The following CFAP57 variants were observed in gnomAD, a reference collection of about 807,000 sequenced individuals.
CFAP57 encodes cilia and flagella associated protein 57.
Under a neutral mutation model 146.8 loss-of-function variants are expected in CFAP57, and 116 were observed. The observed-to-expected ratio is 0.79, with a 90% CI of 0.68 to 0.92. The LOEUF (loss-of-function observed/expected upper bound fraction) is 0.92, where lower values mean the gene tolerates loss of function less well. Ranked by LOEUF, CFAP57 falls within the 40% of genes least tolerant of loss-of-function variation. The pLI is 0.00. For synonymous variants in CFAP57, 518 were observed against 552.8 expected, an observed-to-expected ratio of 0.94 and a Z score of 0.88; for missense variants, 1,377 against 1,527.2, an observed-to-expected ratio of 0.90 and a Z score of 1.64.
At chr1:43,184,924 C>A (rs957592459) in intron 4 of CFAP57, 2 of 527,918 alleles carry the variant, frequency 3.8e-6, no homozygotes, top group African/African-American at 1.9e-5. Flanking sequence ...CTACAACTCT[C>A]GCCTCTGTCT....
intron 16 of CFAP57, 99 bp from the exon 17 acceptor site, chr1:43,223,947 G>A: frequency 1.5e-6 from 2 of 1,354,018 alleles, no homozygotes; most frequent in Admixed American, 2.4e-5. Flanking sequence ...GTCCACAGAA[G>A]GTGGCCAGTG....
At chr1:43,214,177 C>T (rs917399168) in intron 11 of CFAP57, among the ~76,000 whole-genome samples, 13 of 151,828 alleles carry the variant, frequency 8.6e-5, no homozygotes, top group South Asian at 2.1e-4. Context: ...TAAGCCACCA[C>T]GCCCGCCCCT....
chr1:43,217,033 T>C (rs1401708995), intron 12 of CFAP57, among the ~76,000 whole-genome samples: 2 of 152,204 alleles, frequency 1.3e-5, no homozygotes, highest in African/African-American at 2.4e-5. Flanking sequence ...GGCCAGGTGG[T>C]GCCAGAGGAC....
intron 11 of CFAP57, among the ~76,000 whole-genome samples, chr1:43,212,858 T>G (rs1452304422): frequency 6.8e-6 from 1 of 147,602 alleles, no homozygotes. Flanking sequence ...TGCTTGAACC[T>G]GAGAAGCAGA....
At chr1:43,210,366 A>T (rs1318396505) in intron 11 of CFAP57, 6 of 1,309,292 alleles carry the variant, frequency 4.6e-6, no homozygotes, top group Non-Finnish European at 5.9e-6. Flanking sequence ...TTGTCCTTCC[A>T]TTCACCCTTC....
chr1:43,217,322 A>G (rs769707910), intron 12 of CFAP57, among the ~76,000 whole-genome samples: 23 of 152,324 alleles, frequency 1.5e-4, no homozygotes, highest in Middle Eastern at 3.4e-3. Context: ...ATCTGCAGCA[A>G]TGTGAAGAAT....
In CFAP57 at chr1:43,172,788, TTGGTCTTCGATCCCACG is replaced by T; in HGVS notation, c.39_55del (p.Leu14GlnfsTer8). On this transcript the variant is annotated frameshift_variant, in exon 2 of 23. Coordinates refer to ENST00000372492, the MANE Select transcript of CFAP57 (RefSeq NM_001378189.1). LOFTEE classifies it high-confidence loss of function. ...GTGGTAGCTCAGACGCTGCATGTTTTTGGTCTTCGATCCCACGTGGCCAACAATATCTTCTACTTCGA... is the reference window on the plus strand; with the variant it reads ...GTGGTAGCTCAGACGCTGCATGTTTTTGGCCAACAATATCTTCTACTTCGA... The T allele has an allele frequency of 6.2e-7, 1 of 1,614,164 alleles. No individual in the cohort carries two copies. Among genetic ancestry groups the T allele is most frequent in the Non-Finnish European group, 8.5e-7 (1 of 1,180,014 alleles).
At chr1:43,200,145 G>A (rs1644053182) in intron 9 of CFAP57, among the ~76,000 whole-genome samples, 1 of 152,158 alleles carries the variant, frequency 6.6e-6, no homozygotes. Flanking sequence ...CTACACCATA[G>A]ATAATAGTGG....
chr1:43,254,154 C>G lies in CFAP57; in HGVS notation c.3716C>G (p.Ser1239Cys), dbSNP rs1646385853. The G allele has an allele frequency of 3.9e-6, 6 of 1,550,622 alleles. No homozygotes were observed. Among genetic ancestry groups the G allele is most frequent in the Non-Finnish European group, 5.2e-6 (6 of 1,147,000 alleles). Residue 1239 changes from serine to cysteine, a missense_variant, in exon 23 of 23, where the codon TCC becomes TGC. Coordinates refer to ENST00000372492, the MANE Select transcript of CFAP57 (RefSeq NM_001378189.1). ...TLAGVRLPSL[S>C]NSEVDLEVKT... ...GCTGGAGTTCGGCTTCCTTCCCTCT[C>G]CAACTCCGAGGTAGACTTAGAGGTG... is the stretch of plus-strand genomic sequence containing the variant.
At chr1:43,179,148 G>C (rs564589101) in intron 2 of CFAP57, among the ~76,000 whole-genome samples, 10 of 151,382 alleles carry the variant, frequency 6.6e-5, no homozygotes, top group African/African-American at 2.0e-4. Context: ...GGTGCGGGGA[G>C]GGGGAGGGAT....
intron 17 of CFAP57, among the ~76,000 whole-genome samples, chr1:43,225,487 G>A (rs1645211765): frequency 6.6e-6 from 1 of 152,192 alleles, no homozygotes; most frequent in Admixed American, 6.5e-5. Context: ...GCCCAATGTG[G>A]CCCACAGGCT....
At chr1:43,227,748 G>A (rs565464186) in intron 18 of CFAP57, among the ~76,000 whole-genome samples, 5 of 152,138 alleles carry the variant, frequency 3.3e-5, no homozygotes, top group African/African-American at 1.2e-4. Flanking sequence ...AACGTGTGTT[G>A]CCCCATCAGC....
intron 22 of CFAP57, among the ~76,000 whole-genome samples, chr1:43,244,980 A>G (rs1319545422): frequency 1.3e-5 from 2 of 152,084 alleles, no homozygotes; most frequent in Non-Finnish European, 1.5e-5. Flanking sequence ...TCTTGAAAAT[A>G]AAGCACAGAT....
At chr1:43,244,764 G>A (rs1004946808) in intron 22 of CFAP57, among the ~76,000 whole-genome samples, 3 of 152,060 alleles carry the variant, frequency 2.0e-5, no homozygotes, top group South Asian at 2.1e-4. Context: ...TTAGCTGGGC[G>A]TGGTGGCGCG....
At chr1:43,234,201 C>T in intron 19 of CFAP57, 78 bp from the exon 20 acceptor site, 1 of 1,414,370 alleles carries the variant, frequency 7.1e-7, no homozygotes. Context: ...CTTTCTGTGC[C>T]ATTAACCTCT....
intron 4 of CFAP57, among the ~76,000 whole-genome samples, chr1:43,184,138 A>C (rs1233571200): frequency 6.6e-6 from 1 of 152,168 alleles, no homozygotes; most frequent in Non-Finnish European, 1.5e-5. Context: ...TCAAAACTAT[A>C]GTTTTTAGAA....
intron 2 of CFAP57, among the ~76,000 whole-genome samples, chr1:43,177,798 T>A (rs1645230561): frequency 6.6e-6 from 1 of 152,210 alleles, no homozygotes; most frequent in Non-Finnish European, 1.5e-5. Context: ...GCTATGAGAA[T>A]CTAATGCCGC....
In CFAP57 at chr1:43,243,223, G is replaced by A. The variant is rs978537947; in HGVS notation, c.3406-4G>A. ...CCTCCCTCTCTCTTCCCCCTTTTCT[G>A]CAGGAAAATGTCTCTCTGATCAAGG... On this transcript the variant is annotated splice_polypyrimidine_tract_variant and splice_region_variant and intron_variant, in intron 21 of 22. Transcript: ENST00000372492. 2 of 1,549,408 alleles carry A rather than the reference G, an allele frequency of 1.3e-6. No homozygotes were observed. The highest frequency in any genetic ancestry group is 2.7e-5 in the African/African-American group (2 of 73,114).
intron 6 of CFAP57, among the ~76,000 whole-genome samples, chr1:43,191,678 T>C (rs920064631): frequency 6.6e-6 from 1 of 151,908 alleles, no homozygotes; most frequent in Non-Finnish European, 1.5e-5. Context: ...TTTTATCTCT[T>C]TAAAGAATCA....
Sources: gnomAD v4.1 joint callset for allele counts (sites outside exome capture counted in the v4.1 genomes callset) on GRCh38, gnomAD v4.1.1 for gene constraint, MANE v1.5 for transcripts, NCBI Gene and HGNC (gene_info 2026-07-23, HGNC 2026-07-21) for gene names.